NPTN: variants seen among roughly 807,000 people sequenced by gnomAD.
The protein encoded by NPTN is neuroplastin.
NPTN carries 5 observed loss-of-function variants against 42.7 expected under a neutral mutation model. That is an observed-to-expected ratio of 0.12 (90% CI 0.06 to 0.25). The LOEUF is 0.25. NPTN is among the 10% of genes least tolerant of loss of function. The pLI is 1.00. For synonymous variants in NPTN, 180 were observed against 201.9 expected, an observed-to-expected ratio of 0.89 and a Z score of 0.92; for missense variants, 307 against 525.4, an observed-to-expected ratio of 0.58 and a Z score of 4.06.
intron 4 of NPTN, among the ~76,000 whole-genome samples, chr15:73,580,392 T>TATATATATTATATATATAATATATATATA (rs1895928326): frequency 7.8e-6 from 1 of 127,478 alleles, no homozygotes; most frequent in South Asian, 2.3e-4. Context: ...AACTTTAAAA[T>TATATATATTATATATATAATATATATATA]ATATATATTA....
At chr15:73,623,389 T>C (rs1245530477) in intron 1 of NPTN, among the ~76,000 whole-genome samples, 1 of 152,234 alleles carries the variant, frequency 6.6e-6, no homozygotes, top group Non-Finnish European at 1.5e-5. Context: ...TTCTGATCTT[T>C]AAAAACTTCT....
intron 4 of NPTN, among the ~76,000 whole-genome samples, chr15:73,583,410 C>T (rs1414547262): frequency 6.6e-6 from 1 of 152,150 alleles, no homozygotes; most frequent in Non-Finnish European, 1.5e-5. Context: ...TCCCTCAAGC[C>T]TCAATTTTCT....
At chr15:73,580,596 GTA>G (rs1006522023) in intron 4 of NPTN, among the ~76,000 whole-genome samples, 4 of 115,264 alleles carry the variant, frequency 3.5e-5, no homozygotes, top group Admixed American at 2.6e-4. Context: ...TGTTATATAT[GTA>G]TATATGTATA....
chr15:73,625,649 G>T (rs1239498036), intron 1 of NPTN, among the ~76,000 whole-genome samples: 2 of 152,074 alleles, frequency 1.3e-5, no homozygotes, highest in Non-Finnish European at 2.9e-5. Flanking sequence ...TATTTTTCAA[G>T]TAATTTCAAC....
intron 1 of NPTN, among the ~76,000 whole-genome samples, chr15:73,607,654 C>A (rs1897353059): frequency 6.6e-6 from 1 of 152,194 alleles, no homozygotes. Context: ...TAGTCCTAGT[C>A]TTCCCAGCTG....
At chr15:73,632,182 AT>A (rs2141490037) in intron 1 of NPTN, among the ~76,000 whole-genome samples, 1 of 151,612 alleles carries the variant, frequency 6.6e-6, no homozygotes, top group East Asian at 1.9e-4. Context: ...CCCTTCCCTA[AT>A]TTATCCTCCA....
At chr15:73,578,352 A>G (rs1895805155) in intron 4 of NPTN, among the ~76,000 whole-genome samples, 1 of 152,162 alleles carries the variant, frequency 6.6e-6, no homozygotes, top group Non-Finnish European at 1.5e-5. Context: ...ACAGTAACCC[A>G]GGCAAGGGAG....
At chr15:73,623,889 A>T (rs1384665426) in intron 1 of NPTN, among the ~76,000 whole-genome samples, 1 of 152,160 alleles carries the variant, frequency 6.6e-6, no homozygotes, top group Non-Finnish European at 1.5e-5. Context: ...AAATAACTCT[A>T]TTCTTCCGCT....
At chr15:73,567,472 G>A (rs1400818694) in intron 6 of NPTN, 16 of 985,124 alleles carry the variant, frequency 1.6e-5, no homozygotes, top group African/African-American at 8.7e-5. Flanking sequence ...AGGAGTGTAC[G>A]TATATATCTA....
intron 1 of NPTN, among the ~76,000 whole-genome samples, chr15:73,606,621 T>C (rs763556646): frequency 6.6e-6 from 1 of 152,198 alleles, no homozygotes; most frequent in African/African-American, 2.4e-5. Flanking sequence ...AAAGTAGCTA[T>C]GGGCAGATCT....
chr15:73,560,588 C>G lies in NPTN; in HGVS notation c.*475G>C, dbSNP rs1293007114. 6.6e-6 allele frequency: 1 copy of G among 150,542 alleles called. No individual in the cohort carries two copies. Among genetic ancestry groups the G allele is most frequent in the African/African-American group, 2.4e-5 (1 of 40,990 alleles). The allele number at this position is 150,542 out of a possible 1,614,324, so 9.3% of individuals were successfully genotyped here. A position where few individuals can be genotyped will look rare whatever the true frequency, so the allele number is the denominator to read the frequency against. ...AGCTTAAAAATGAAACAAGCATTTA[C>G]TTTATTTTGGATTTCTCCCACCCCC... On this transcript the variant is annotated 3_prime_UTR_variant, in exon 9 of 9. Coordinates refer to ENST00000345330, the MANE Select transcript of NPTN (RefSeq NM_012428.4).
Position 73,597,286 on chromosome 15 carries a change from T to C in NPTN, c.175A>G (p.Thr59Ala). Residue 59 changes from threonine to alanine, a missense_variant, in exon 2 of 9, where the codon ACG becomes GCG. Physicochemically the swap from Thr to Ala is moderately conservative, Grantham distance 58. Coordinates refer to ENST00000345330, the MANE Select transcript of NPTN (RefSeq NM_012428.4). The surrounding 1 kb of genome is among the most constrained non-coding windows in gnomAD (Gnocchi z 6.3). ...ELYCDVVGSP[T>A]PEIQWWYAEV... is the part of the protein sequence containing the mutation. ...GCGTACCACCACTGGATCTCTGGCG[T>C]GGGGCTCCCGACCACGTCACAGTAC... 6.2e-7 allele frequency: 1 copy of C among 1,613,780 alleles called. No individual in the cohort carries two copies. The highest frequency in any genetic ancestry group is 8.5e-7 in the Non-Finnish European group (1 of 1,179,976).
At chr15:73,587,704 G>T in intron 3 of NPTN, 86 bp from the exon 4 acceptor site, 1 of 980,058 alleles carries the variant, frequency 1.0e-6, no homozygotes, top group Non-Finnish European at 1.6e-6. Flanking sequence ...GGCAATCAGG[G>T]ATCCTGCTCT....
intron 3 of NPTN, 104 bp from the exon 4 acceptor site, chr15:73,587,722 C>T: frequency 1.3e-6 from 1 of 774,784 alleles, no homozygotes; most frequent in Non-Finnish European, 2.2e-6. Flanking sequence ...TCTCCGAACC[C>T]TTAATGCAAC....
At chr15:73,567,287 T>C in intron 6 of NPTN, 2 of 985,308 alleles carry the variant, frequency 2.0e-6, no homozygotes, top group Non-Finnish European at 2.4e-6. Context: ...GATAATAAAG[T>C]GCTATTTGGC....
chr15:73,571,668 G>A (rs553569456), intron 5 of NPTN, among the ~76,000 whole-genome samples: 5 of 152,288 alleles, frequency 3.3e-5, no homozygotes, highest in Admixed American at 2.6e-4. Context: ...GGGACTCAGC[G>A]GGATGGCTCA....
chr15:73,585,422 A>T (rs150272659), intron 4 of NPTN, among the ~76,000 whole-genome samples: 111 of 152,290 alleles, frequency 7.3e-4, no homozygotes, highest in Middle Eastern at 3.4e-3. Flanking sequence ...CACATGTACT[A>T]CTCTAAATGC....
At chr15:73,581,972 C>T (rs1896069025) in intron 4 of NPTN, among the ~76,000 whole-genome samples, 1 of 152,006 alleles carries the variant, frequency 6.6e-6, no homozygotes, top group South Asian at 2.1e-4. Context: ...GTAGCTGGGA[C>T]CACAGGCGTG....
Position 73,569,813 on chromosome 15 carries a change from TGAA to T in NPTN, c.1114+334_1114+336del, listed in dbSNP as rs1357382868. The T allele has an allele frequency of 1.0e-6, 1 of 985,204 alleles. No individual in the cohort carries two copies. The highest frequency in any genetic ancestry group is 1.7e-5 in the African/African-American group (1 of 57,192). The allele number at this position is 985,204 out of a possible 1,614,324, so 61.0% of individuals were successfully genotyped here. ...GCTCAATCTGCCTGATGATCTGTAT[TGAA>T]GGAGGACAGAGCTGAACAAAGAGAC... On this transcript the variant is annotated intron_variant, in intron 6 of 8. Transcript: ENST00000345330. This position sits in a 1 kb window ranked among gnomAD's most constrained non-coding sequence, Gnocchi z 4.1.
Sources: gnomAD v4.1 joint callset for allele counts (sites outside exome capture counted in the v4.1 genomes callset) on GRCh38, gnomAD v4.1.1 for gene constraint, Gnocchi (gnomAD v3.1) non-coding constraint, MANE v1.5 for transcripts, NCBI Gene and HGNC (gene_info 2026-07-23, HGNC 2026-07-21) for gene names.